DNM1: variants seen among roughly 807,000 people sequenced by gnomAD.
The protein encoded by DNM1 is dynamin 1.
In DNM1, 29 loss-of-function variants were observed where a neutral mutation model predicts 104.6. That is an observed-to-expected ratio of 0.28 (90% CI 0.21 to 0.38). DNM1 has a LOEUF of 0.38. DNM1 is among the 10% of genes least tolerant of loss of function. DNM1 has a pLI of 1.00. For missense variants in DNM1, 640 were observed against 1,189.4 expected (o/e 0.54, Z 6.79); for synonymous variants, 445 against 475.8 (o/e 0.94, Z 0.84).
At chr9:128,239,941 T>C in intron 13 of DNM1, 44 bp from the exon 14 acceptor site, 2 of 1,613,258 alleles carry the variant, frequency 1.2e-6, no homozygotes, top group Non-Finnish European at 1.7e-6. Context: ...CTCTCTCCTC[T>C]CTCCCCGATG....
chr9:128,237,632 C>T (rs973075295), intron 11 of DNM1, among the ~76,000 whole-genome samples: 1 of 152,182 alleles, frequency 6.6e-6, no homozygotes, highest in Non-Finnish European at 1.5e-5. Context: ...TAATCTATTT[C>T]ACCCTCAGAT....
chr9:128,217,750 C>T (rs1834700073), intron 1 of DNM1, among the ~76,000 whole-genome samples: 1 of 152,178 alleles, frequency 6.6e-6, no homozygotes, highest in Admixed American at 6.5e-5. Context: ...TCCTTCCCCA[C>T]TCTTCTTCAA....
chr9:128,254,000 TCCCAGCAGGAAGGG>T lies in DNM1; in HGVS notation c.2535-647_2535-634del. The T allele has an allele frequency of 8.1e-7, 1 of 1,234,470 alleles. No individual in the cohort carries two copies. Among genetic ancestry groups the T allele is most frequent in the Non-Finnish European group, 1.0e-6 (1 of 989,774 alleles). 76.5% of individuals were successfully genotyped at this position (1,234,470 alleles called of 1,614,324 possible). A position where few individuals can be genotyped will look rare whatever the true frequency, so the allele number is the denominator to read the frequency against. On this transcript the variant is annotated intron_variant, in intron 21 of 21. Transcript: ENST00000372923. The surrounding 1 kb of genome is among the most constrained non-coding windows in gnomAD (Gnocchi z 5.9). ...CCACTGACTCTCGCTCTTCTGCTTTTCCCAGCAGGAAGGGCCCAGCCTCACCTACGAGACCTGCA... is the reference window on the plus strand; with the variant it reads ...CCACTGACTCTCGCTCTTCTGCTTTTCCCAGCCTCACCTACGAGACCTGCA...
chr9:128,216,116 T>C lies in DNM1; in HGVS notation c.162-2115T>C, dbSNP rs760354143. Reference sequence around the variant, plus strand: ...ATTGCATTATCTGTTTACTTGTCTGTCTCTCCCACCACACTGTGAGTTCCT... The same window carrying C: ...ATTGCATTATCTGTTTACTTGTCTGCCTCTCCCACCACACTGTGAGTTCCT... On this transcript the variant is annotated intron_variant, in intron 1 of 21. Coordinates refer to ENST00000372923, the MANE Select transcript of DNM1 (RefSeq NM_004408.4). Among the ~76,000 whole-genome samples the C allele has an allele frequency of 3.7e-4, 57 of 152,030 alleles. 1 individual carries two copies. Among genetic ancestry groups the C allele is most frequent in the Non-Finnish European group, 1.6e-4 (11 of 67,998 alleles).
At chr9:128,207,873 C>CA (rs1228339608) in intron 1 of DNM1, among the ~76,000 whole-genome samples, 1 of 151,898 alleles carries the variant, frequency 6.6e-6, no homozygotes, top group Admixed American at 6.5e-5. Context: ...AGGATGGGGG[C>CA]ACGGGTTGGG....
In DNM1 at chr9:128,218,772, T is replaced by G. The variant is rs1309806767; in HGVS notation, c.385+41T>G. The G allele has an allele frequency of 1.3e-6, 2 of 1,556,544 alleles. No individual in the cohort carries two copies. The highest frequency in any genetic ancestry group is 4.6e-5 in the East Asian group (2 of 43,784). On this transcript the variant is annotated intron_variant, in intron 3 of 21. Coordinates refer to ENST00000372923, the MANE Select transcript of DNM1 (RefSeq NM_004408.4). This position sits in a 1 kb window ranked among gnomAD's most constrained non-coding sequence, Gnocchi z 4.8. Reference sequence around the variant, plus strand: ...CCGCCCTAACCTCTAAGAATCATTTTCTTGGCCACGCACCTCTGCGTGCCT... The same window carrying G: ...CCGCCCTAACCTCTAAGAATCATTTGCTTGGCCACGCACCTCTGCGTGCCT...
chr9:128,242,495 C>T, intron 15 of DNM1, 150 bp downstream of exon 15: 1 of 571,128 alleles, frequency 1.8e-6, no homozygotes, highest in Non-Finnish European at 3.1e-6. Flanking sequence ...TGTGGTGGCT[C>T]ACACCTATAA....
chr9:128,208,612 G>A (rs1304478531), intron 1 of DNM1, among the ~76,000 whole-genome samples: 1 of 152,188 alleles, frequency 6.6e-6, no homozygotes, highest in Admixed American at 6.5e-5. Context: ...TGGGGCAGAG[G>A]GAACTAATAT....
chr9:128,249,429 C>A (rs1829373006), intron 19 of DNM1, among the ~76,000 whole-genome samples: 1 of 151,758 alleles, frequency 6.6e-6, no homozygotes, highest in South Asian at 2.1e-4. Flanking sequence ...GGCCGAGGTG[C>A]GCAGATCACC....
chr9:128,221,903 AAATAAT>A (rs1412713874), intron 6 of DNM1, among the ~76,000 whole-genome samples: 2 of 152,184 alleles, frequency 1.3e-5, no homozygotes, highest in Non-Finnish European at 2.9e-5. Flanking sequence ...CGTCTCAAAA[AAATAAT>A]AATAATAAAT....
intron 12 of DNM1, 49 bp downstream of exon 12, chr9:128,239,564 T>A (rs1271802540): frequency 2.3e-6 from 3 of 1,332,438 alleles, no homozygotes; most frequent in Non-Finnish European, 3.2e-6. Flanking sequence ...GCAGAGAAGG[T>A]AACGTGTGTG....
At chr9:128,252,251 C>T (rs968172639) in intron 21 of DNM1, 24 of 273,884 alleles carry the variant, frequency 8.8e-5, no homozygotes, top group Non-Finnish European at 1.5e-4. Flanking sequence ...TCAGATTCTT[C>T]AGGGTATTTG....
intron 10 of DNM1, among the ~76,000 whole-genome samples, chr9:128,230,170 T>C (rs1215588191): frequency 6.7e-6 from 1 of 149,948 alleles, no homozygotes; most frequent in African/African-American, 2.5e-5. Context: ...TTAGCCAAGA[T>C]TGAGCCATTG....
Position 128,220,742 on chromosome 9 carries a change from C to CGTGTGTGTGTGT in DNM1, c.849+416_849+427dup, listed in dbSNP as rs140950284. Among the ~76,000 whole-genome samples the CGTGTGTGTGTGT allele has an allele frequency of 4.5e-3, 610 of 136,358 alleles. 5 individuals are homozygous for CGTGTGTGTGTGT. The highest frequency in any genetic ancestry group is 0.021 in the East Asian group (81 of 3,834). 89.5% of individuals were successfully genotyped at this position (136,358 alleles called of 152,430 possible). ...CAGAACTGAAGTGCGCGCGCGCGCG[C>CGTGTGTGTGTGT]GTGTGTGTGTGTGTGTGTGTGTGTG... On this transcript the variant is annotated intron_variant, in intron 6 of 21. Transcript: ENST00000372923. This position sits in a 1 kb window ranked among gnomAD's most constrained non-coding sequence, Gnocchi z 5.2.
chr9:128,217,227 G>T (rs553066760), intron 1 of DNM1, among the ~76,000 whole-genome samples: 7 of 152,306 alleles, frequency 4.6e-5, no homozygotes, highest in African/African-American at 1.4e-4. Flanking sequence ...TGTCACTGCA[G>T]AGTCAAATAT....
At position 128,247,207 on chromosome 9, in the gene DNM1, C is replaced by T. The variant is rs1259446059; in HGVS notation, c.1782-168C>T. 5 of 531,440 alleles carry T rather than the reference C, an allele frequency of 9.4e-6. No homozygotes were observed. The highest frequency in any genetic ancestry group is 5.0e-4 in the Middle Eastern group (1 of 2,012). The allele number at this position is 531,440 out of a possible 1,614,324, so 32.9% of individuals were successfully genotyped here. A position where few individuals can be genotyped will look rare whatever the true frequency, so the allele number is the denominator to read the frequency against. ...GAGGCAGGAATTATTATTAACCCATCTTCCCAGTGAGGAAACTGAGGCTGA... is the reference window on the plus strand; with the variant it reads ...GAGGCAGGAATTATTATTAACCCATTTTCCCAGTGAGGAAACTGAGGCTGA... On this transcript the variant is annotated intron_variant, in intron 16 of 21. Transcript: ENST00000372923. The surrounding 1 kb of genome is among the most constrained non-coding windows in gnomAD (Gnocchi z 5.1).
In DNM1 at chr9:128,218,782, G is replaced by A. The variant is rs758483847; in HGVS notation, c.385+51G>A. On this transcript the variant is annotated intron_variant, in intron 3 of 21. Transcript: ENST00000372923. This position sits in a 1 kb window ranked among gnomAD's most constrained non-coding sequence, Gnocchi z 4.8. ...CTCTAAGAATCATTTTCTTGGCCACGCACCTCTGCGTGCCTCGCTCCTCCT... is the reference window on the plus strand; with the variant it reads ...CTCTAAGAATCATTTTCTTGGCCACACACCTCTGCGTGCCTCGCTCCTCCT... 21 of 1,540,032 alleles carry A rather than the reference G, an allele frequency of 1.4e-5. No homozygotes were observed. Among genetic ancestry groups the A allele is most frequent in the Admixed American group, 5.7e-5 (3 of 52,238 alleles).
chr9:128,224,110 C>G lies in DNM1; in HGVS notation c.1197-141C>G. On this transcript the variant is annotated intron_variant, in intron 9 of 21. Transcript: ENST00000372923. The surrounding 1 kb of genome is among the most constrained non-coding windows in gnomAD (Gnocchi z 4.3). ...AGAACCCCTCCCTCCCATTTTACAACTGGGGACACTGAGGCCCAGAGAGGG... is the reference window on the plus strand; with the variant it reads ...AGAACCCCTCCCTCCCATTTTACAAGTGGGGACACTGAGGCCCAGAGAGGG... 11 of 1,062,112 alleles carry G rather than the reference C, an allele frequency of 1.0e-5. No individual in the cohort carries two copies. The highest frequency in any genetic ancestry group is 3.1e-4 in the Middle Eastern group (1 of 3,190). 65.8% of individuals were successfully genotyped at this position (1,062,112 alleles called of 1,614,324 possible).
chr9:128,242,357 G>T lies in DNM1; in HGVS notation c.1671+12G>T, dbSNP rs1169839213. Reference sequence around the variant, plus strand: ...ACAAGGATGATGAGGTGAGTCAAGGGCCAGTGGTCATCAAGGGGCTGGGCT... The same window carrying T: ...ACAAGGATGATGAGGTGAGTCAAGGTCCAGTGGTCATCAAGGGGCTGGGCT... On this transcript the variant is annotated intron_variant, in intron 15 of 21. Coordinates refer to ENST00000372923, the MANE Select transcript of DNM1 (RefSeq NM_004408.4). 6.7e-7 allele frequency: 1 copy of T among 1,482,476 alleles called. No homozygotes were observed. Among genetic ancestry groups the T allele is most frequent in the Non-Finnish European group, 9.4e-7 (1 of 1,060,066 alleles). The allele number at this position is 1,482,476 out of a possible 1,614,324, so 91.8% of individuals were successfully genotyped here.
Sources: gnomAD v4.1 joint callset for allele counts (sites outside exome capture counted in the v4.1 genomes callset) on GRCh38, gnomAD v4.1.1 for gene constraint, Gnocchi (gnomAD v3.1) non-coding constraint, MANE v1.5 for transcripts, NCBI Gene and HGNC (gene_info 2026-07-23, HGNC 2026-07-21) for gene names.